Variants in RALYL observed in about 807,000 individuals in gnomAD.
RALYL encodes the protein RALY RNA binding protein like, also known as RNA-binding Raly-like protein.
In RALYL, 29 loss-of-function variants were observed where a neutral mutation model predicts 35.1. The ratio of observed to expected loss-of-function variants is 0.83; its 90% CI spans 0.61 to 1.13. The LOEUF (loss-of-function observed/expected upper bound fraction) is 1.13, where lower values mean the gene tolerates loss of function less well. Among genes scored for constraint, RALYL ranks in the 50% most tolerant of loss-of-function variants. The probability of loss-of-function intolerance (pLI) is 0.00; values close to 1 mark genes in which losing one functional copy is unlikely to be tolerated. For synonymous variants in RALYL, 120 were observed against 127.6 expected (o/e 0.94, Z 0.40); for missense variants, 359 against 360.4 (o/e 1.00, Z 0.03).
At chr8:84,630,171 A>G (rs949528496) in intron 2 of RALYL, among the ~76,000 whole-genome samples, 2 of 152,034 alleles carry the variant, frequency 1.3e-5, no homozygotes, top group African/African-American at 4.8e-5. Flanking sequence ...CTTAATTGGA[A>G]ATGGAATTCA....
intron 8 of RALYL, among the ~76,000 whole-genome samples, chr8:84,898,354 T>A (rs1845111623): frequency 6.6e-6 from 1 of 152,166 alleles, no homozygotes; most frequent in East Asian, 1.9e-4. Context: ...ATGACATCAC[T>A]GAGGGTGCAT....
intron 2 of RALYL, among the ~76,000 whole-genome samples, chr8:84,670,238 A>AGAT (rs1285894625): frequency 6.6e-6 from 1 of 152,184 alleles, no homozygotes; most frequent in Admixed American, 6.5e-5. Flanking sequence ...CTAAAAATAC[A>AGAT]GATGAAGGAC....
At chr8:84,653,392 A>G (rs1432737660) in intron 2 of RALYL, among the ~76,000 whole-genome samples, 1 of 151,962 alleles carries the variant, frequency 6.6e-6, no homozygotes, top group Admixed American at 6.6e-5. Flanking sequence ...GTACACACAC[A>G]CACATTCTGG....
At chr8:84,362,626 A>T (rs1853285668) in intron 1 of RALYL, among the ~76,000 whole-genome samples, 1 of 152,124 alleles carries the variant, frequency 6.6e-6, no homozygotes. Context: ...AATCTAACTA[A>T]TGCCTGATTA....
At chr8:84,714,685 G>A (rs1478184660) in intron 2 of RALYL, among the ~76,000 whole-genome samples, 2 of 151,784 alleles carry the variant, frequency 1.3e-5, no homozygotes, top group African/African-American at 2.4e-5. Flanking sequence ...ACCATGATCT[G>A]TCATAATTAT....
chr8:84,399,020 T>C (rs1294959245), intron 1 of RALYL, among the ~76,000 whole-genome samples: 1 of 151,364 alleles, frequency 6.6e-6, no homozygotes, highest in East Asian at 1.9e-4. Context: ...CTTATTATAG[T>C]TTTGTCTGCT....
At chr8:84,257,198 A>T (rs1191967329) in intron 1 of RALYL, among the ~76,000 whole-genome samples, 1 of 152,008 alleles carries the variant, frequency 6.6e-6, no homozygotes, top group African/African-American at 2.4e-5. Context: ...TACAACAAAA[A>T]TTATTCTTGA....
intron 2 of RALYL, among the ~76,000 whole-genome samples, chr8:84,594,554 C>T (rs1814040471): frequency 6.6e-6 from 1 of 151,872 alleles, no homozygotes. Context: ...AGAGCTAAAG[C>T]ATTTTACTTT....
At chr8:84,394,284 A>G (rs1861318077) in intron 1 of RALYL, among the ~76,000 whole-genome samples, 1 of 152,136 alleles carries the variant, frequency 6.6e-6, no homozygotes, top group Non-Finnish European at 1.5e-5. Context: ...CTAGTGATGT[A>G]AATAACCTAT....
chr8:84,379,861 C>CAA (rs201626471), intron 1 of RALYL, among the ~76,000 whole-genome samples: 3,960 of 126,452 alleles, frequency 0.031, 170 homozygotes, highest in African/African-American at 0.11. Flanking sequence ...CTCTCAAGCT[C>CAA]AAAAAAAAAA....
chr8:84,484,400 A>G (rs1282834608), intron 1 of RALYL, among the ~76,000 whole-genome samples: 1 of 152,086 alleles, frequency 6.6e-6, no homozygotes, highest in Non-Finnish European at 1.5e-5. Context: ...ATGCTATAGG[A>G]TAACCAGAGA....
In RALYL at chr8:84,419,187, C is replaced by G. The variant is rs190648576; in HGVS notation, c.-23-110112C>G. On this transcript the variant is annotated intron_variant, in intron 1 of 8. Coordinates refer to ENST00000521268, the MANE Select transcript of RALYL (RefSeq NM_173848.7). ...CCAGCCATGCTACTATTAATTTATTCTTGTGGTCTCCTTGTATATTCACAG... is the reference window on the plus strand; with the variant it reads ...CCAGCCATGCTACTATTAATTTATTGTTGTGGTCTCCTTGTATATTCACAG... Among the ~76,000 whole-genome samples the G allele has an allele frequency of 9.3e-4, 141 of 152,276 alleles. 4 individuals are homozygous for G. The South Asian group carries it at 0.019, about 20-fold the overall frequency.
chr8:84,629,799 G>T (rs1273935012), intron 2 of RALYL, among the ~76,000 whole-genome samples: 1 of 151,958 alleles, frequency 6.6e-6, no homozygotes, highest in Admixed American at 6.6e-5. Context: ...CCCCTTTTGT[G>T]TGTTTTCTAA....
At chr8:84,457,369 T>C (rs1027959165) in intron 1 of RALYL, among the ~76,000 whole-genome samples, 1 of 151,948 alleles carries the variant, frequency 6.6e-6, no homozygotes, top group Non-Finnish European at 1.5e-5. Context: ...TGGCAGAGTG[T>C]CTTTCATTTT....
intron 2 of RALYL, among the ~76,000 whole-genome samples, chr8:84,737,510 A>C (rs1157852240): frequency 6.6e-6 from 1 of 152,028 alleles, no homozygotes; most frequent in Non-Finnish European, 1.5e-5. Flanking sequence ...TGGGGGAACT[A>C]TATATTAAGT....
At chr8:84,319,311 TCTTAG>T (rs933681735) in intron 1 of RALYL, among the ~76,000 whole-genome samples, 1 of 152,146 alleles carries the variant, frequency 6.6e-6, no homozygotes, top group Admixed American at 6.5e-5. Context: ...TGTTCTGTCT[TCTTAG>T]TGACTATAGA....
At chr8:84,667,422 A>G (rs1392690722) in intron 2 of RALYL, among the ~76,000 whole-genome samples, 1 of 152,058 alleles carries the variant, frequency 6.6e-6, no homozygotes, top group Non-Finnish European at 1.5e-5. Context: ...CCTTCTTAGT[A>G]TATTTGCCAT....
At chr8:84,423,025 G>T (rs933430762) in intron 1 of RALYL, among the ~76,000 whole-genome samples, 5 of 149,804 alleles carry the variant, frequency 3.3e-5, no homozygotes, top group Admixed American at 6.6e-5. Flanking sequence ...TGTATATTCT[G>T]TTGATTTGGG....
At position 84,887,599 on chromosome 8, in the gene RALYL, C is replaced by CT. The variant is rs779483659; in HGVS notation, c.686-5_686-4insT. The CT allele has an allele frequency of 2.5e-6, 4 of 1,602,482 alleles. No individual in the cohort carries two copies. The highest frequency in any genetic ancestry group is 1.7e-5 in the Admixed American group (1 of 57,724). On this transcript the variant is annotated splice_region_variant and splice_polypyrimidine_tract_variant and intron_variant, in intron 7 of 8. Transcript: ENST00000521268. ...TAGTAGTCATTTGCTTTCTCCCCCC[C>CT]CCAGAAGCTCAGAAGAAGCAATTGG...
Sources: allele counts gnomAD v4.1 joint callset (sites outside exome capture counted in the v4.1 genomes callset), GRCh38; gene constraint gnomAD v4.1.1; transcripts MANE v1.5; gene names NCBI Gene and HGNC (gene_info 2026-07-23, HGNC 2026-07-21).